Variants in ADK observed in about 807,000 individuals in gnomAD.
ADK encodes the protein N6,N6-dimethyladenosine kinase.
A neutral mutation model predicts 44.7 loss-of-function variants in ADK; 24 were observed. The ratio of observed to expected loss-of-function variants is 0.54; its 90% CI spans 0.39 to 0.76. The LOEUF (loss-of-function observed/expected upper bound fraction) is 0.76, where lower values mean the gene tolerates loss of function less well. ADK is among the 30% of genes least tolerant of loss of function. The probability of loss-of-function intolerance (pLI) is 0.00; values close to 1 mark genes in which losing one functional copy is unlikely to be tolerated. For missense variants in ADK, 321 were observed against 425.1 expected (o/e 0.76, Z 2.15); for synonymous variants, 128 against 142.6 (o/e 0.90, Z 0.73).
At chr10:74,565,026 G>A (rs1314896364) in intron 7 of ADK, among the ~76,000 whole-genome samples, 1 of 152,170 alleles carries the variant, frequency 6.6e-6, no homozygotes, top group African/African-American at 2.4e-5. Flanking sequence ...TCTCCAGATA[G>A]ACTTTTTACT....
At chr10:74,534,683 T>C (rs1037061143) in intron 7 of ADK, among the ~76,000 whole-genome samples, 4 of 152,210 alleles carry the variant, frequency 2.6e-5, no homozygotes, top group Non-Finnish European at 5.9e-5. Context: ...TTAGGTAATG[T>C]TGGTAGTAGT....
chr10:74,171,764 ACT>A lies in ADK; in HGVS notation c.65+20431_65+20432del, dbSNP rs141563705. On this transcript the variant is annotated intron_variant, in intron 1 of 10. Transcript: ENST00000539909. ...TGATCAAAAGTAGTAGTTACTCAGT[ACT>A]CTCTCTCTCAGCGCTCACTCTCTTT... is the stretch of plus-strand genomic sequence containing the variant. Among the ~76,000 whole-genome samples the A allele has an allele frequency of 4.9e-4, 74 of 149,688 alleles. 1 individual carries two copies. In the East Asian group the frequency reaches 0.013, roughly 26 times the overall value.
intron 2 of ADK, among the ~76,000 whole-genome samples, chr10:74,217,009 C>G (rs1844066222): frequency 6.6e-6 from 1 of 152,204 alleles, no homozygotes; most frequent in African/African-American, 2.4e-5. Context: ...GAGTGCCAGA[C>G]AGTGGGCGCA....
intron 4 of ADK, among the ~76,000 whole-genome samples, chr10:74,380,068 C>G (rs148473549): frequency 6.6e-6 from 1 of 152,310 alleles, no homozygotes; most frequent in Non-Finnish European, 1.5e-5. Flanking sequence ...GCCTCCCACT[C>G]TTTGTCTTTC....
chr10:74,365,886 GT>G (rs1369247255), intron 4 of ADK, among the ~76,000 whole-genome samples: 1 of 152,090 alleles, frequency 6.6e-6, no homozygotes, highest in Admixed American at 6.6e-5. Flanking sequence ...TTATTTTCCA[GT>G]TTTAAATACT....
intron 10 of ADK, among the ~76,000 whole-genome samples, chr10:74,700,389 C>T (rs1163603403): frequency 1.3e-5 from 2 of 152,038 alleles, no homozygotes; most frequent in African/African-American, 4.8e-5. Flanking sequence ...ATTACAGGCA[C>T]CCGCCACCAC....
At chr10:74,484,878 A>T (rs986999654) in intron 6 of ADK, among the ~76,000 whole-genome samples, 1 of 152,200 alleles carries the variant, frequency 6.6e-6, no homozygotes, top group Non-Finnish European at 1.5e-5. Flanking sequence ...TTTATACTAT[A>T]CACAAAAATC....
intron 9 of ADK, among the ~76,000 whole-genome samples, chr10:74,669,767 CTT>C (rs1855102679): frequency 1.3e-5 from 2 of 152,136 alleles, no homozygotes. Context: ...ATTTACAACT[CTT>C]TAACTGTATC....
At chr10:74,268,215 C>T (rs1158634255) in intron 3 of ADK, among the ~76,000 whole-genome samples, 1 of 151,974 alleles carries the variant, frequency 6.6e-6, no homozygotes, top group African/African-American at 2.4e-5. Context: ...TCTAGCTACC[C>T]AGGAGACTGA....
intron 1 of ADK, among the ~76,000 whole-genome samples, chr10:74,151,779 C>T (rs1841600027): frequency 6.6e-6 from 1 of 152,192 alleles, no homozygotes; most frequent in East Asian, 1.9e-4. Context: ...CAGAGTGTTG[C>T]GGAAGGGCAC....
intron 7 of ADK, among the ~76,000 whole-genome samples, chr10:74,580,403 C>A (rs1019752211): frequency 1.3e-5 from 2 of 152,022 alleles, no homozygotes; most frequent in African/African-American, 4.8e-5. Context: ...TGGTGAAACC[C>A]CATCTCTATT....
chr10:74,331,117 G>A (rs979934294), intron 4 of ADK, among the ~76,000 whole-genome samples: 2 of 151,982 alleles, frequency 1.3e-5, no homozygotes, highest in Non-Finnish European at 2.9e-5. Flanking sequence ...AAATTATGCA[G>A]CTAATATTTT....
chr10:74,356,275 C>T (rs1482326667), intron 4 of ADK, among the ~76,000 whole-genome samples: 1 of 151,786 alleles, frequency 6.6e-6, no homozygotes, highest in African/African-American at 2.4e-5. Flanking sequence ...GCCTCGGCCT[C>T]CCAAAGTGCT....
intron 9 of ADK, among the ~76,000 whole-genome samples, chr10:74,652,054 T>C (rs907866237): frequency 6.6e-6 from 1 of 151,026 alleles, no homozygotes; most frequent in Non-Finnish European, 1.5e-5. Flanking sequence ...TTCTTTCTTT[T>C]TTTTTTTTTT....
At chr10:74,201,688 C>A (rs148281599) in intron 2 of ADK, among the ~76,000 whole-genome samples, 9 of 99,496 alleles carry the variant, frequency 9.0e-5, no homozygotes, top group African/African-American at 3.3e-4. Context: ...ATCTATCTAT[C>A]TATCTATCTA....
chr10:74,641,737 G>A (rs148080739), intron 9 of ADK: 5 of 152,288 alleles, frequency 3.3e-5, no homozygotes, highest in African/African-American at 4.8e-5. Flanking sequence ...AGCACTGTTC[G>A]GGATCTTTTC....
chr10:74,567,699 G>GTTTTT (rs56042541), intron 7 of ADK, among the ~76,000 whole-genome samples: 1 of 112,384 alleles, frequency 8.9e-6, no homozygotes, highest in Non-Finnish European at 1.7e-5. Context: ...TGTTTTTTTT[G>GTTTTT]TTTTTTTTTT....
At chr10:74,286,907 G>A (rs565855986) in intron 3 of ADK, among the ~76,000 whole-genome samples, 1 of 151,808 alleles carries the variant, frequency 6.6e-6, no homozygotes, top group Non-Finnish European at 1.5e-5. Flanking sequence ...GGCTTGTCTC[G>A]AACCCCTGGG....
chr10:74,181,676 C>CTAGT (rs1423228489), intron 1 of ADK, among the ~76,000 whole-genome samples: 1 of 152,106 alleles, frequency 6.6e-6, no homozygotes, highest in African/African-American at 2.4e-5. Flanking sequence ...CTACTTAGAC[C>CTAGT]TAGTGGTAGA....
Sources: gnomAD v4.1 joint callset for allele counts (sites outside exome capture counted in the v4.1 genomes callset) on GRCh38, gnomAD v4.1.1 for gene constraint, MANE v1.5 for transcripts, NCBI Gene and HGNC (gene_info 2026-07-23, HGNC 2026-07-21) for gene names.